The following NAA15 variants were observed in gnomAD, a reference collection of about 807,000 sequenced individuals.
NAA15 encodes N-alpha-acetyltransferase 15, NatA auxiliary subunit, also known as N-terminal acetyltransferase.
A neutral mutation model predicts 114.0 loss-of-function variants in NAA15; 34 were observed. The ratio of observed to expected loss-of-function variants is 0.30; its 90% CI spans 0.23 to 0.40. NAA15 has a LOEUF of 0.40. Among genes scored for constraint, NAA15 ranks in the 10% least tolerant of loss-of-function variants. NAA15 has a pLI of 1.00. For synonymous variants in NAA15, 340 were observed against 338.0 expected (o/e 1.01, Z -0.06); for missense variants, 658 against 1,004.5 (o/e 0.66, Z 4.66).
chr4:139,375,925 A>C (rs1310635799), intron 15 of NAA15, among the ~76,000 whole-genome samples: 2 of 151,884 alleles, frequency 1.3e-5, no homozygotes, highest in African/African-American at 4.9e-5. Flanking sequence ...AGCAAGACAG[A>C]ATGGATAGTG....
intron 9 of NAA15, among the ~76,000 whole-genome samples, chr4:139,352,782 C>T (rs1403643881): frequency 2.0e-5 from 3 of 151,212 alleles, no homozygotes; most frequent in African/African-American, 4.9e-5. Flanking sequence ...ATTCTCCTGC[C>T]TCAGCCTCCC....
chr4:139,318,720 G>A (rs949896582), intron 1 of NAA15, among the ~76,000 whole-genome samples: 3 of 152,014 alleles, frequency 2.0e-5, no homozygotes, highest in Non-Finnish European at 2.9e-5. Context: ...CTGGTGTGGT[G>A]GCATGTGCCT....
chr4:139,314,761 T>G (rs1746325773), intron 1 of NAA15, among the ~76,000 whole-genome samples: 1 of 151,734 alleles, frequency 6.6e-6, no homozygotes, highest in Non-Finnish European at 1.5e-5. Flanking sequence ...TACCTCAACC[T>G]CTGCCTCCCG....
intron 5 of NAA15, 46 bp from the exon 6 acceptor site, chr4:139,344,140 T>G (rs760552197): frequency 1.4e-6 from 2 of 1,471,458 alleles, no homozygotes; most frequent in African/African-American, 1.4e-5. Context: ...TTTTCTGATA[T>G]GAAAATAAAA....
At chr4:139,312,311 T>G (rs1746250459) in intron 1 of NAA15, among the ~76,000 whole-genome samples, 1 of 151,810 alleles carries the variant, frequency 6.6e-6, no homozygotes, top group Non-Finnish European at 1.5e-5. Flanking sequence ...TGGAAGGAAT[T>G]TTATGCTGTG....
intron 1 of NAA15, among the ~76,000 whole-genome samples, chr4:139,317,082 C>A (rs1050612884): frequency 6.6e-6 from 1 of 151,830 alleles, no homozygotes; most frequent in African/African-American, 2.4e-5. Context: ...AGATGGGGCC[C>A]TCTCCTGATG....
At chr4:139,366,970 T>C (rs1026412938) in intron 14 of NAA15, among the ~76,000 whole-genome samples, 1 of 152,232 alleles carries the variant, frequency 6.6e-6, no homozygotes, top group Non-Finnish European at 1.5e-5. Context: ...GTCTATCCCA[T>C]TGTAACATTA....
chr4:139,357,302 G>A, intron 10 of NAA15, 84 bp from the exon 11 acceptor site: 1 of 1,137,760 alleles, frequency 8.8e-7, no homozygotes, highest in Non-Finnish European at 1.3e-6. Context: ...TACCTCCCTT[G>A]TTAATAAACA....
chr4:139,301,940 GC>G, intron 1 of NAA15, 109 bp downstream of exon 1: 1 of 1,187,472 alleles, frequency 8.4e-7, no homozygotes, highest in Non-Finnish European at 1.2e-6. Context: ...CCGGGACCCC[GC>G]CTTCATAGCT....
rs1342303482 is a variant in NAA15, at chr4:139,389,356, T to G, written c.*1272T>G. On this transcript the variant is annotated 3_prime_UTR_variant, in exon 20 of 20. Transcript: ENST00000296543. ...ATATTTCAACTAATCTGTGTTGGGC[T>G]TCTGTGAAATACACAGGTGGAAACA... 2 of 152,638 alleles carry G rather than the reference T, an allele frequency of 1.3e-5. No homozygotes were observed. The highest frequency in any genetic ancestry group is 2.4e-5 in the African/African-American group (1 of 41,448). The allele number at this position is 152,638 out of a possible 1,614,324, so 9.5% of individuals were successfully genotyped here.
intron 6 of NAA15, among the ~76,000 whole-genome samples, chr4:139,345,747 C>T (rs928326352): frequency 3.9e-5 from 6 of 152,118 alleles, no homozygotes; most frequent in African/African-American, 7.2e-5. Context: ...GGTGAAACCT[C>T]GTCTCTACTA....
At chr4:139,365,115 G>A (rs1434983286) in intron 14 of NAA15, among the ~76,000 whole-genome samples, 4 of 152,092 alleles carry the variant, frequency 2.6e-5, no homozygotes, top group East Asian at 3.9e-4. Flanking sequence ...TTGGCTCACC[G>A]CAACCTCTGC....
At chr4:139,305,629 C>G (rs997417915) in intron 1 of NAA15, among the ~76,000 whole-genome samples, 2 of 151,596 alleles carry the variant, frequency 1.3e-5, no homozygotes, top group Non-Finnish European at 2.9e-5. Context: ...CCTCTGTCTC[C>G]CGGGTTCAAG....
intron 1 of NAA15, among the ~76,000 whole-genome samples, chr4:139,320,005 A>G (rs1746545318): frequency 6.6e-6 from 1 of 152,136 alleles, no homozygotes; most frequent in Admixed American, 6.6e-5. Context: ...TTTCTCCTTA[A>G]AAAAATTGTT....
chr4:139,390,827 T>C lies in NAA15; in HGVS notation c.*2743T>C, dbSNP rs1237044636. 1 of 152,242 alleles carries C rather than the reference T, an allele frequency of 6.6e-6. No individual in the cohort carries two copies. The highest frequency in any genetic ancestry group is 1.5e-5 in the Non-Finnish European group (1 of 68,024). The allele number at this position is 152,242 out of a possible 1,614,324, so 9.4% of individuals were successfully genotyped here. A position where few individuals can be genotyped will look rare whatever the true frequency, so the allele number is the denominator to read the frequency against. ...TGCCAATATTAGTGAATAGCTTTGCTGTGGGCTTTATCAGGCCCTTGTTTT... is the reference window on the plus strand; with the variant it reads ...TGCCAATATTAGTGAATAGCTTTGCCGTGGGCTTTATCAGGCCCTTGTTTT... On this transcript the variant is annotated 3_prime_UTR_variant, in exon 20 of 20. Coordinates refer to ENST00000296543, the MANE Select transcript of NAA15 (RefSeq NM_057175.5).
chr4:139,347,062 C>G (rs1017541393), intron 6 of NAA15, among the ~76,000 whole-genome samples: 45 of 151,876 alleles, frequency 3.0e-4, no homozygotes, highest in African/African-American at 8.9e-4. Context: ...TGCGAACCAT[C>G]GTACTCAGCT....
At chr4:139,312,673 G>A (rs1746260598) in intron 1 of NAA15, among the ~76,000 whole-genome samples, 1 of 151,532 alleles carries the variant, frequency 6.6e-6, no homozygotes, top group Admixed American at 6.6e-5. Flanking sequence ...GCAAGGCTCT[G>A]TCTCTGTAAA....
intron 1 of NAA15, chr4:139,302,356 G>A (rs1159856667): frequency 6.5e-6 from 1 of 153,868 alleles, no homozygotes; most frequent in Non-Finnish European, 1.4e-5. Flanking sequence ...GTCACCCAAT[G>A]ACCTGAGAGG....
intron 3 of NAA15, among the ~76,000 whole-genome samples, chr4:139,339,706 A>G (rs1747321012): frequency 6.6e-6 from 1 of 151,918 alleles, no homozygotes; most frequent in South Asian, 2.1e-4. Context: ...AGCTGAGATC[A>G]TGCCACTGCA....
Sources: gnomAD v4.1 joint callset for allele counts (sites outside exome capture counted in the v4.1 genomes callset) on GRCh38, gnomAD v4.1.1 for gene constraint, MANE v1.5 for transcripts, NCBI Gene and HGNC (gene_info 2026-07-23, HGNC 2026-07-21) for gene names.